FMNL2: variants seen among roughly 807,000 people sequenced by gnomAD.
FMNL2 encodes formin like 2.
In FMNL2, 51 loss-of-function variants were observed where a neutral mutation model predicts 130.2. The ratio of observed to expected loss-of-function variants is 0.39; its 90% CI spans 0.31 to 0.49. The LOEUF (loss-of-function observed/expected upper bound fraction) is 0.49. Among genes scored for constraint, FMNL2 ranks in the 20% least tolerant of loss-of-function variants. The pLI is 0.85. For synonymous variants in FMNL2, 465 were observed against 467.1 expected, an observed-to-expected ratio of 1.00 and a Z score of 0.06; for missense variants, 977 against 1,316.2, an observed-to-expected ratio of 0.74 and a Z score of 3.99.
At chr2:152,405,966 A>T (rs1303014889) in intron 1 of FMNL2, among the ~76,000 whole-genome samples, 2 of 152,234 alleles carry the variant, frequency 1.3e-5, no homozygotes, top group Non-Finnish European at 2.9e-5. Flanking sequence ...AGGGGGATGT[A>T]GAAGAGTAAG....
intron 12 of FMNL2, among the ~76,000 whole-genome samples, chr2:152,616,327 G>GTTTTTTT (rs36107333): frequency 9.1e-6 from 1 of 110,056 alleles, no homozygotes; most frequent in Non-Finnish European, 1.8e-5. Flanking sequence ...ATTTTTGTGG[G>GTTTTTTT]TTTTTTTTTT....
In FMNL2 at chr2:152,624,072, TCCACTCAATTCCCTTCGCC is replaced by T. The variant is rs1681584270; in HGVS notation, c.1838-1365_1838-1347del. Reference sequence around the variant, plus strand: ...TCCCCTCCCCTCCCCTCCCCTCCCCTCCACTCAATTCCCTTCGCCTCCCCTCCCCTCCCTTCCCTTCCCT... The same window carrying T: ...TCCCCTCCCCTCCCCTCCCCTCCCCTTCCCCTCCCCTCCCTTCCCTTCCCT... On this transcript the variant is annotated intron_variant, in intron 15 of 25. Transcript: ENST00000288670. Among the ~76,000 whole-genome samples, 11 of 1,894 alleles carry T rather than the reference TCCACTCAATTCCCTTCGCC, an allele frequency of 5.8e-3. 1 individual carries two copies. The highest frequency in any genetic ancestry group is 8.1e-3 in the Non-Finnish European group (8 of 988). The allele number at this position is 1,894 out of a possible 152,430, so 1.2% of individuals were successfully genotyped here.
At chr2:152,343,774 A>G (rs1457242709) in intron 1 of FMNL2, among the ~76,000 whole-genome samples, 3 of 152,196 alleles carry the variant, frequency 2.0e-5, no homozygotes, top group Non-Finnish European at 2.9e-5. Context: ...AGAACACCTT[A>G]TTTAAGCTAG....
chr2:152,589,992 T>C (rs1231452642), intron 9 of FMNL2, among the ~76,000 whole-genome samples: 2 of 112,852 alleles, frequency 1.8e-5, no homozygotes, highest in Non-Finnish European at 3.7e-5. Flanking sequence ...TATGTATATG[T>C]ATATGTATAT....
At chr2:152,408,237 A>G (rs13397890) in intron 1 of FMNL2, among the ~76,000 whole-genome samples, 20,195 of 152,180 alleles carry the variant, frequency 0.13, 1,551 homozygotes, top group East Asian at 0.19. Flanking sequence ...TTATCTTCAA[A>G]GAACTTTTTT....
intron 1 of FMNL2, among the ~76,000 whole-genome samples, chr2:152,518,151 G>T (rs369213031): frequency 3.9e-5 from 6 of 152,172 alleles, no homozygotes; most frequent in African/African-American, 1.4e-4. Flanking sequence ...GAGTTCACTC[G>T]AAAGAAGTTT....
intron 6 of FMNL2, 133 bp from the exon 7 acceptor site, chr2:152,575,003 G>A: frequency 1.8e-6 from 1 of 561,036 alleles, no homozygotes; most frequent in East Asian, 2.8e-5. Flanking sequence ...CAATCTTACT[G>A]TTGCCATTTG....
intron 1 of FMNL2, among the ~76,000 whole-genome samples, chr2:152,343,768 C>T (rs941432645): frequency 8.5e-5 from 13 of 152,228 alleles, no homozygotes; most frequent in African/African-American, 2.9e-4. Flanking sequence ...TTTGGCAGAA[C>T]ACCTTATTTA....
intron 1 of FMNL2, among the ~76,000 whole-genome samples, chr2:152,520,413 G>A (rs1693022001): frequency 6.6e-6 from 1 of 151,952 alleles, no homozygotes; most frequent in Admixed American, 6.6e-5. Context: ...TGGCCAACAT[G>A]GTGAAACCCC....
intron 2 of FMNL2, among the ~76,000 whole-genome samples, chr2:152,524,993 C>T (rs551636634): frequency 5.3e-5 from 8 of 152,178 alleles, no homozygotes; most frequent in East Asian, 1.9e-4. Context: ...GAGTGAAGTG[C>T]GCGTCCCTTC....
At chr2:152,363,379 A>G (rs1195283498) in intron 1 of FMNL2, among the ~76,000 whole-genome samples, 6 of 152,190 alleles carry the variant, frequency 3.9e-5, no homozygotes, top group African/African-American at 1.2e-4. Context: ...TTAAATCCCA[A>G]TGTATGAGGA....
intron 4 of FMNL2, among the ~76,000 whole-genome samples, chr2:152,556,685 A>G (rs1695225946): frequency 1.3e-5 from 2 of 152,068 alleles, no homozygotes; most frequent in South Asian, 2.1e-4. Context: ...TCCAAGTGAG[A>G]TGGAGGTGCC....
chr2:152,616,612 G>A (rs114222925), intron 12 of FMNL2, among the ~76,000 whole-genome samples: 2,216 of 152,232 alleles, frequency 0.015, 60 homozygotes, highest in African/African-American at 0.05. Flanking sequence ...GATTACAGGC[G>A]TGGCAACCAA....
At chr2:152,511,805 C>A (rs552823200) in intron 1 of FMNL2, among the ~76,000 whole-genome samples, 1 of 152,188 alleles carries the variant, frequency 6.6e-6, no homozygotes, top group South Asian at 2.1e-4. Flanking sequence ...GGTTCCAGGG[C>A]AGTGGGACAG....
chr2:152,553,677 C>G (rs767661747), intron 4 of FMNL2, among the ~76,000 whole-genome samples: 10 of 150,138 alleles, frequency 6.7e-5, no homozygotes, highest in Admixed American at 2.0e-4. Context: ...TTTTAAATGT[C>G]TTTAATAAAA....
chr2:152,595,663 G>C lies in FMNL2; in HGVS notation c.877-11676G>C, dbSNP rs149784184. Among the ~76,000 whole-genome samples the C allele has an allele frequency of 1.8e-4, 27 of 152,248 alleles. No homozygotes were observed. The East Asian group carries it at 5.2e-3, about 29-fold the overall frequency. ...GGTGTCAGGCGTCCCAGACAAATTT[G>C]TTTACTTGGGTGGATTCATTCAGTA... is the stretch of plus-strand genomic sequence containing the variant. On this transcript the variant is annotated intron_variant, in intron 9 of 25. Coordinates refer to ENST00000288670, the MANE Select transcript of FMNL2 (RefSeq NM_052905.4).
intron 6 of FMNL2, among the ~76,000 whole-genome samples, chr2:152,562,820 G>A (rs1040803154): frequency 6.6e-6 from 1 of 152,054 alleles, no homozygotes; most frequent in African/African-American, 2.4e-5. Context: ...CCTTGGTACT[G>A]GAATGGAAAT....
At chr2:152,566,912 A>G (rs1209182472) in intron 6 of FMNL2, among the ~76,000 whole-genome samples, 1 of 152,188 alleles carries the variant, frequency 6.6e-6, no homozygotes, top group Non-Finnish European at 1.5e-5. Flanking sequence ...CAGGAGAGTG[A>G]TCTGAGCGGA....
chr2:152,379,506 T>C (rs1684348188), intron 1 of FMNL2, among the ~76,000 whole-genome samples: 1 of 152,222 alleles, frequency 6.6e-6, no homozygotes, highest in Non-Finnish European at 1.5e-5. Context: ...TGTCAGAATG[T>C]GGTTACTATT....
Sources: gnomAD v4.1 joint callset for allele counts (sites outside exome capture counted in the v4.1 genomes callset) on GRCh38, gnomAD v4.1.1 for gene constraint, MANE v1.5 for transcripts, NCBI Gene and HGNC (gene_info 2026-07-23, HGNC 2026-07-21) for gene names.